WWP2: variants seen among roughly 807,000 people sequenced by gnomAD.
The protein encoded by WWP2 is WW domain containing E3 ubiquitin protein ligase 2, also known as NEDD4-like E3 ubiquitin-protein ligase WWP2.
WWP2 carries 57 observed loss-of-function variants against 121.0 expected under a neutral mutation model. The ratio of observed to expected loss-of-function variants is 0.47; its 90% CI spans 0.38 to 0.59. The LOEUF (loss-of-function observed/expected upper bound fraction) is 0.59, where lower values mean the gene tolerates loss of function less well. Among genes scored for constraint, WWP2 ranks in the 20% least tolerant of loss-of-function variants. The pLI is 0.00. For synonymous variants in WWP2, 449 were observed against 441.3 expected (o/e 1.02, Z -0.22); for missense variants, 962 against 1,158.9 (o/e 0.83, Z 2.47).
intron 6 of WWP2, among the ~76,000 whole-genome samples, chr16:69,871,495 T>C (rs2057635730): frequency 6.6e-6 from 1 of 152,210 alleles, no homozygotes; most frequent in African/African-American, 2.4e-5. Context: ...TTGAGCCCAA[T>C]AAAAATAATG....
intron 4 of WWP2, among the ~76,000 whole-genome samples, chr16:69,804,301 AT>A (rs1234415234): frequency 6.6e-6 from 1 of 151,740 alleles, no homozygotes; most frequent in Non-Finnish European, 1.5e-5. Flanking sequence ...TTATGATTTT[AT>A]TTTTTCCTGG....
At chr16:69,870,069 C>T (rs2057605614) in intron 6 of WWP2, among the ~76,000 whole-genome samples, 1 of 152,194 alleles carries the variant, frequency 6.6e-6, no homozygotes, top group South Asian at 2.1e-4. Flanking sequence ...ATTAAACTGC[C>T]TGTACATGAA....
chr16:69,901,921 A>C (rs2058212697), intron 8 of WWP2, among the ~76,000 whole-genome samples: 1 of 152,238 alleles, frequency 6.6e-6, no homozygotes, highest in Non-Finnish European at 1.5e-5. Flanking sequence ...ACTGCACTCC[A>C]GCCTGGGTGA....
intron 8 of WWP2, chr16:69,891,015 C>G (rs959646870): frequency 2.0e-5 from 3 of 152,224 alleles, no homozygotes; most frequent in Non-Finnish European, 4.4e-5. Flanking sequence ...ATTTTCCAAC[C>G]CAGATGGCTT....
At chr16:69,843,941 G>A (rs1313682872) in intron 6 of WWP2, among the ~76,000 whole-genome samples, 2 of 152,152 alleles carry the variant, frequency 1.3e-5, no homozygotes, top group Admixed American at 1.3e-4. Flanking sequence ...TATGATTTTA[G>A]CCAATACCCG....
intron 6 of WWP2, among the ~76,000 whole-genome samples, chr16:69,847,937 C>G (rs1447679184): frequency 1.3e-5 from 2 of 152,164 alleles, no homozygotes; most frequent in East Asian, 3.9e-4. Context: ...ATGAAGCCCA[C>G]AGGACTGTCT....
At chr16:69,928,389 T>G (rs887716911) in intron 11 of WWP2, among the ~76,000 whole-genome samples, 1 of 152,018 alleles carries the variant, frequency 6.6e-6, no homozygotes, top group Non-Finnish European at 1.5e-5. Context: ...TACCTGGAGC[T>G]GAGAGGTTAT....
At position 69,786,604 on chromosome 16, in the gene WWP2, C is replaced by A. The variant is rs940751458; in HGVS notation, c.-15-392C>A. Among the ~76,000 whole-genome samples the A allele has an allele frequency of 1.1e-4, 17 of 151,934 alleles. 2 individuals carry two copies. The highest frequency in any genetic ancestry group is 3.9e-4 in the East Asian group (2 of 5,170). On this transcript the variant is annotated intron_variant, in intron 1 of 23. Coordinates refer to ENST00000359154, the MANE Select transcript of WWP2 (RefSeq NM_001270454.2). ...TTGCTGGGATTACAGGCATGCAGCACCATGCCTGGATAATTTTGTATTTTT... is the reference window on the plus strand; with the variant it reads ...TTGCTGGGATTACAGGCATGCAGCAACATGCCTGGATAATTTTGTATTTTT...
chr16:69,912,769 G>A (rs1217424689), intron 9 of WWP2, among the ~76,000 whole-genome samples: 1 of 150,228 alleles, frequency 6.7e-6, no homozygotes, highest in African/African-American at 2.4e-5. Context: ...ACACAGCTGG[G>A]CACGGTGGCT....
At chr16:69,839,781 C>T (rs975842216) in intron 4 of WWP2, among the ~76,000 whole-genome samples, 4 of 152,198 alleles carry the variant, frequency 2.6e-5, no homozygotes, top group African/African-American at 9.6e-5. Context: ...ATATTACTTG[C>T]AACTAATTTC....
At chr16:69,798,639 G>T (rs765047720) in intron 2 of WWP2, 43 bp from the exon 3 acceptor site, 16 of 1,585,588 alleles carry the variant, frequency 1.0e-5, no homozygotes, top group Non-Finnish European at 1.3e-5. Context: ...GCATCTGGGA[G>T]CCCTGGGACT....
intron 4 of WWP2, among the ~76,000 whole-genome samples, chr16:69,831,756 A>C (rs1025699906): frequency 2.6e-5 from 4 of 151,296 alleles, no homozygotes; most frequent in Non-Finnish European, 4.4e-5. Context: ...ATTTTGTCAA[A>C]TTCTTGCAAG....
Position 69,817,707 on chromosome 16 carries a change from G to A in WWP2, c.340+18412G>A, listed in dbSNP as rs182264927. Among the ~76,000 whole-genome samples, 10 of 131,476 alleles carry A rather than the reference G, an allele frequency of 7.6e-5. No individual in the cohort carries two copies. The East Asian group carries it at 1.9e-3, about 26-fold the overall frequency. 86.3% of individuals were successfully genotyped at this position (131,476 alleles called of 152,430 possible). On this transcript the variant is annotated intron_variant, in intron 4 of 23. Transcript: ENST00000359154. ...TTTTAAAGAGATGGAGTCTCGCTCC[G>A]TCACACAGGGGTGTGATCACAGCTC...
chr16:69,850,071 C>T (rs1339743369), intron 6 of WWP2, among the ~76,000 whole-genome samples: 3 of 152,112 alleles, frequency 2.0e-5, no homozygotes, highest in Non-Finnish European at 4.4e-5. Flanking sequence ...ATGCCAGGCT[C>T]TGAGCTGTCG....
intron 7 of WWP2, among the ~76,000 whole-genome samples, chr16:69,884,690 C>T (rs1012826943): frequency 6.6e-6 from 1 of 152,256 alleles, no homozygotes; most frequent in East Asian, 1.9e-4. Flanking sequence ...TCCAGTGCCT[C>T]ATAAAGATTC....
chr16:69,806,953 T>TATTC (rs200681828), intron 4 of WWP2, among the ~76,000 whole-genome samples: 37,525 of 146,012 alleles, frequency 0.26, 5,510 homozygotes, highest in Non-Finnish European at 0.33. Flanking sequence ...TTTATTTATT[T>TATTC]ATTCATTCAT....
chr16:69,778,981 G>A (rs1038796431), intron 1 of WWP2, among the ~76,000 whole-genome samples: 6 of 143,638 alleles, frequency 4.2e-5, no homozygotes, highest in African/African-American at 1.3e-4. Context: ...ATGGAGTCTC[G>A]CTCTGTTGCC....
intron 17 of WWP2, among the ~76,000 whole-genome samples, chr16:69,934,369 C>G (rs760277750): frequency 1.3e-5 from 2 of 152,098 alleles, no homozygotes; most frequent in Non-Finnish European, 2.9e-5. Context: ...AGCTCGTAAC[C>G]TAAAAATGCA....
chr16:69,910,227 A>G (rs959899948), intron 9 of WWP2: 8 of 329,530 alleles, frequency 2.4e-5, no homozygotes, highest in Non-Finnish European at 3.0e-5. Context: ...ATATTCTTTT[A>G]TTCAAAATAA....
Sources: gnomAD v4.1 joint callset for allele counts (sites outside exome capture counted in the v4.1 genomes callset) on GRCh38, gnomAD v4.1.1 for gene constraint, MANE v1.5 for transcripts, NCBI Gene and HGNC (gene_info 2026-07-23, HGNC 2026-07-21) for gene names.